LPIN1: variants seen among roughly 807,000 people sequenced by gnomAD.
LPIN1 encodes phosphatidate phosphatase LPIN1.
A neutral mutation model predicts 107.5 loss-of-function variants in LPIN1; 71 were observed. That is an observed-to-expected ratio of 0.66 (90% CI 0.55 to 0.80). The LOEUF is 0.80. Among genes scored for constraint, LPIN1 ranks in the 30% least tolerant of loss-of-function variants. The pLI is 0.00. For synonymous variants in LPIN1, 445 were observed against 452.6 expected (o/e 0.98, Z 0.21); for missense variants, 1,043 against 1,160.6 (o/e 0.90, Z 1.47).
At chr2:11,821,214 C>CA (rs1681451765) in intron 20 of LPIN1, among the ~76,000 whole-genome samples, 1 of 151,622 alleles carries the variant, frequency 6.6e-6, no homozygotes, top group South Asian at 2.1e-4. Context: ...TCTGTGCAGA[C>CA]CTGGAAAAGA....
At chr2:11,693,800 A>ATATATATAT (rs1553398404) in intron 1 of LPIN1, among the ~76,000 whole-genome samples, 17 of 18,670 alleles carry the variant, frequency 9.1e-4, no homozygotes, top group African/African-American at 2.3e-3. Context: ...ATATATATAT[A>ATATATATAT]TATATATATA....
At chr2:11,773,563 G>C (rs998127668) in intron 4 of LPIN1, 57 bp from the exon 5 acceptor site, 1 of 1,520,850 alleles carries the variant, frequency 6.6e-7, no homozygotes, top group Admixed American at 1.7e-5. Flanking sequence ...ATTGGAACTT[G>C]ATTATGAATC....
At chr2:11,710,573 A>G (rs1166123405) in intron 1 of LPIN1, among the ~76,000 whole-genome samples, 2 of 152,222 alleles carry the variant, frequency 1.3e-5, no homozygotes, top group East Asian at 3.9e-4. Context: ...ACCTTCATCC[A>G]GGAGTAGCCA....
chr2:11,700,451 T>C (rs1558730445), intron 1 of LPIN1, among the ~76,000 whole-genome samples: 1 of 151,772 alleles, frequency 6.6e-6, no homozygotes, highest in Non-Finnish European at 1.5e-5. Flanking sequence ...TATTTCTCAT[T>C]TTCTCTCTCT....
Position 11,815,392 on chromosome 2 carries a change from A to AG in LPIN1, c.2402+154dup, listed in dbSNP as rs1469338121. 3 of 1,023,136 alleles carry AG rather than the reference A, an allele frequency of 2.9e-6. No homozygotes were observed. The African/African-American group carries it at 4.8e-5, about 16-fold the overall frequency. 63.4% of individuals were successfully genotyped at this position (1,023,136 alleles called of 1,614,324 possible). ...GCACCAGAAAAATCATTCCAAACAC[A>AG]GGTCTACACCTGCATTGGCTCCTCA... On this transcript the variant is annotated intron_variant, in intron 18 of 20. Coordinates refer to ENST00000674199, the MANE Select transcript of LPIN1 (RefSeq NM_001349206.2).
chr2:11,701,313 G>A (rs1662861012), intron 1 of LPIN1, among the ~76,000 whole-genome samples: 1 of 152,172 alleles, frequency 6.6e-6, no homozygotes, highest in South Asian at 2.1e-4. Context: ...AGTAACTCAA[G>A]TGATCCTGTC....
rs926967377 is a variant in LPIN1 at position 11,697,924 on chromosome 2, G to A, written c.82-15832G>A. ...CTCAGTCACAAGCCAGACTAGTCACGCACCCCCGGCTGTGGGTGGCTTCCT... is the reference window on the plus strand; with the variant it reads ...CTCAGTCACAAGCCAGACTAGTCACACACCCCCGGCTGTGGGTGGCTTCCT... On this transcript the variant is annotated intron_variant, in intron 1 of 21. Transcript: ENST00000449576. This position sits in a 1 kb window ranked among gnomAD's most constrained non-coding sequence, Gnocchi z 4.6. Among the ~76,000 whole-genome samples the A allele has an allele frequency of 3.9e-5, 6 of 152,118 alleles. No individual in the cohort carries two copies. The highest frequency in any genetic ancestry group is 2.1e-4 in the South Asian group (1 of 4,810).
At chr2:11,813,081 TGG>T (rs1431441212) in intron 17 of LPIN1, among the ~76,000 whole-genome samples, 1 of 151,986 alleles carries the variant, frequency 6.6e-6, no homozygotes, top group Non-Finnish European at 1.5e-5. Context: ...CGGGGTGAGT[TGG>T]GGAGGAGCCG....
chr2:11,738,090 A>G (rs2148554302), intron 1 of LPIN1, among the ~76,000 whole-genome samples: 1 of 152,334 alleles, frequency 6.6e-6, no homozygotes, highest in Middle Eastern at 3.4e-3. Context: ...TTGTAGGGGC[A>G]TGGATGAAGC....
chr2:11,724,926 T>C (rs75522670), intron 1 of LPIN1, among the ~76,000 whole-genome samples: 1 of 152,216 alleles, frequency 6.6e-6, no homozygotes, highest in East Asian at 1.9e-4. Flanking sequence ...ATTTATAAAA[T>C]TCTAATGTAG....
At chr2:11,704,030 G>T (rs552681868) in intron 1 of LPIN1, among the ~76,000 whole-genome samples, 12 of 152,310 alleles carry the variant, frequency 7.9e-5, no homozygotes, top group Middle Eastern at 3.4e-3. Flanking sequence ...ACCATTGACA[G>T]GATTCAGCAC....
chr2:11,749,263 G>A (rs576057699), intron 1 of LPIN1, among the ~76,000 whole-genome samples: 2 of 152,128 alleles, frequency 1.3e-5, no homozygotes, highest in South Asian at 4.1e-4. Flanking sequence ...TGTGAGGGAG[G>A]GTCTGGAGAG....
intron 1 of LPIN1, among the ~76,000 whole-genome samples, chr2:11,701,957 G>A (rs755048156): frequency 5.9e-5 from 9 of 152,206 alleles, no homozygotes; most frequent in South Asian, 2.1e-4. Context: ...ACTTTCTGAC[G>A]TCATTGTGCT....
intron 14 of LPIN1, among the ~76,000 whole-genome samples, chr2:11,798,452 G>A (rs562510651): frequency 2.0e-5 from 3 of 152,270 alleles, no homozygotes; most frequent in African/African-American, 7.2e-5. Flanking sequence ...GGAGAGCAGC[G>A]AGATACTTCT....
Position 11,795,466 on chromosome 2 carries a change from C to G in LPIN1, c.1865C>G (p.Pro622Arg). The change falls in exon 14 of 21, where the codon CCG (proline) becomes CGG (arginine). Residue 622 changes from proline to arginine, a missense_variant. Pro to Arg is a moderately radical substitution (Grantham distance 103). Transcript: ENST00000674199. ...GCCCATAGCACCGGAGAGCAACCGC[C>G]GCAGCTCAGCTTGGCCACCAGGTGC... The part of the protein sequence containing the change: ...GKAHSTGEQP[P>R]QLSLATRVKH... 2 of 1,614,138 alleles carry G rather than the reference C, an allele frequency of 1.2e-6. No individual in the cohort carries two copies. The highest frequency in any genetic ancestry group is 1.7e-6 in the Non-Finnish European group (2 of 1,180,018).
At chr2:11,822,277 C>CAAAAAAAAAAAAAAAAAAAAA in intron 20 of LPIN1, among the ~76,000 whole-genome samples, 2 of 78,880 alleles carry the variant, frequency 2.5e-5, no homozygotes, top group Non-Finnish European at 5.0e-5. Context: ...CTAGAAATGC[C>CAAAAAAAAAAAAAAAAAAAAA]AAAAAAAAAA....
chr2:11,687,036 C>T (rs1410016625), intron 1 of LPIN1, among the ~76,000 whole-genome samples: 2 of 117,782 alleles, frequency 1.7e-5, no homozygotes, highest in Admixed American at 1.2e-4. Context: ...GGTCTTGGTG[C>T]GTTGCTGAGG....
intron 1 of LPIN1, among the ~76,000 whole-genome samples, chr2:11,748,707 G>C (rs575035991): frequency 3.9e-5 from 6 of 152,248 alleles, no homozygotes; most frequent in South Asian, 2.1e-4. Flanking sequence ...TGGCTTTTCC[G>C]GACCATCTGT....
At chr2:11,732,909 C>CTGTGTG (rs1380115459) in intron 1 of LPIN1, among the ~76,000 whole-genome samples, 6 of 150,692 alleles carry the variant, frequency 4.0e-5, no homozygotes, top group African/African-American at 1.5e-4. Context: ...CTCTCTCTCT[C>CTGTGTG]TCTGTGTGTG....
Sources: allele counts gnomAD v4.1 joint callset (sites outside exome capture counted in the v4.1 genomes callset), GRCh38; gene constraint gnomAD v4.1.1; non-coding constraint Gnocchi (gnomAD v3.1); transcripts MANE v1.5; gene names NCBI Gene and HGNC (gene_info 2026-07-23, HGNC 2026-07-21).